Variants in TACC2 observed in about 807,000 individuals in gnomAD.
The protein encoded by TACC2 is transforming acidic coiled-coil containing protein 2, also known as transforming acidic coiled-coil-containing protein 2.
A neutral mutation model predicts 227.3 loss-of-function variants in TACC2; 137 were observed. The observed-to-expected ratio is 0.60, with a 90% confidence interval of 0.52 to 0.69. The LOEUF is 0.69. Ranked by LOEUF, TACC2 falls within the 30% of genes least tolerant of loss-of-function variation. TACC2 has a pLI of 0.00. For missense variants in TACC2, 3,470 were observed against 3,694.4 expected, an observed-to-expected ratio of 0.94 and a Z score of 1.57; for synonymous variants, 1,523 against 1,487.5, an observed-to-expected ratio of 1.02 and a Z score of -0.55.
At chr10:122,169,109 G>A (rs1453172481) in intron 7 of TACC2, among the ~76,000 whole-genome samples, 1 of 152,218 alleles carries the variant, frequency 6.6e-6, no homozygotes, top group Non-Finnish European at 1.5e-5. Context: ...GTTGGAAGCA[G>A]TAGCTCAGAT....
chr10:122,122,462 GTAAC>G (rs1470786665), intron 5 of TACC2, among the ~76,000 whole-genome samples: 2 of 151,152 alleles, frequency 1.3e-5, no homozygotes, highest in East Asian at 1.9e-4. Context: ...ACACATATAA[GTAAC>G]TAAGTATTTT....
At chr10:122,112,549 A>C (rs2083789284) in intron 5 of TACC2, among the ~76,000 whole-genome samples, 1 of 152,226 alleles carries the variant, frequency 6.6e-6, no homozygotes, top group Admixed American at 6.5e-5. Flanking sequence ...CTCCAGGAAC[A>C]AGCGAGGCAC....
At position 122,132,570 on chromosome 10, in the gene TACC2, T is replaced by C. The variant is rs773057160; in HGVS notation, c.5574-39T>C. 13 of 1,611,728 alleles carry C rather than the reference T, an allele frequency of 8.1e-6. No individual in the cohort carries two copies. The South Asian group carries it at 1.1e-4, about 14-fold the overall frequency. Reference sequence around the variant, plus strand: ...GTCTCAAAACAAAAACTTGTAGGAATGTTTCTGAGTTTAGGTTCTTTCCCT... The same window carrying C: ...GTCTCAAAACAAAAACTTGTAGGAACGTTTCTGAGTTTAGGTTCTTTCCCT... On this transcript the variant is annotated intron_variant, in intron 5 of 22. Transcript: ENST00000369005.
At chr10:122,001,713 G>A (rs1476820395) in intron 1 of TACC2, among the ~76,000 whole-genome samples, 5 of 152,098 alleles carry the variant, frequency 3.3e-5, no homozygotes, top group Non-Finnish European at 7.4e-5. Flanking sequence ...GGATCCAAAC[G>A]AGTTTCACAA....
chr10:122,244,632 A>G (rs974184116), intron 19 of TACC2, among the ~76,000 whole-genome samples: 1 of 152,070 alleles, frequency 6.6e-6, no homozygotes, highest in Non-Finnish European at 1.5e-5. Flanking sequence ...CAGGAGGCCC[A>G]CCTGGGTTCC....
chr10:122,232,747 C>A (rs2095783465), intron 16 of TACC2, among the ~76,000 whole-genome samples: 1 of 152,142 alleles, frequency 6.6e-6, no homozygotes, highest in South Asian at 2.1e-4. Flanking sequence ...TCAAGTTGGT[C>A]CCTGTGGGTT....
intron 2 of TACC2, chr10:122,033,150 A>G (rs1244843089): frequency 7.8e-7 from 1 of 1,289,244 alleles, no homozygotes; most frequent in Non-Finnish European, 1.0e-6. Flanking sequence ...CTGAGCCCAC[A>G]CAGGTACTGG....
At chr10:122,002,941 A>C (rs1445317681) in intron 1 of TACC2, among the ~76,000 whole-genome samples, 1 of 152,062 alleles carries the variant, frequency 6.6e-6, no homozygotes, top group East Asian at 1.9e-4. Context: ...GGTGGCTCAC[A>C]CCTGTAATCC....
chr10:122,153,538 C>T (rs2092258295), intron 7 of TACC2, among the ~76,000 whole-genome samples: 1 of 152,202 alleles, frequency 6.6e-6, no homozygotes, highest in Non-Finnish European at 1.5e-5. Flanking sequence ...TTTCGAGTCC[C>T]AGAGGTGTTG....
chr10:122,130,105 C>G (rs894135088), intron 5 of TACC2, among the ~76,000 whole-genome samples: 1 of 152,206 alleles, frequency 6.6e-6, no homozygotes, highest in African/African-American at 2.4e-5. Context: ...TCAAGTGATT[C>G]TTGTGCCTCA....
At chr10:122,201,029 G>A (rs1300939021) in intron 8 of TACC2, among the ~76,000 whole-genome samples, 2 of 139,042 alleles carry the variant, frequency 1.4e-5, no homozygotes, top group African/African-American at 6.2e-5. Flanking sequence ...GTGAGAGGAC[G>A]GCCACCTCAC....
chr10:122,097,722 T>C (rs1005039690), intron 5 of TACC2, among the ~76,000 whole-genome samples: 1 of 151,920 alleles, frequency 6.6e-6, no homozygotes, highest in African/African-American at 2.4e-5. Flanking sequence ...TCTTTGCAGG[T>C]AAATGGGGCT....
chr10:122,141,888 T>C lies in TACC2; in HGVS notation c.5700-1684T>C, dbSNP rs545064291. Among the ~76,000 whole-genome samples the C allele has an allele frequency of 2.6e-5, 4 of 152,314 alleles. No individual in the cohort carries two copies. Among genetic ancestry groups the C allele is most frequent in the Admixed American group, 1.3e-4 (2 of 15,296 alleles). The stretch of plus-strand genomic sequence containing the variant: ...GCGAAGTTAGACTAGTAGTTTGCGT[T>C]TGTAAGTGGTCCATTTGCCGATTAT... On this transcript the variant is annotated intron_variant, in intron 6 of 22. Transcript: ENST00000369005. This position sits in a 1 kb window ranked among gnomAD's most constrained non-coding sequence, Gnocchi z 4.3.
chr10:122,158,501 A>G (rs1217072326), intron 7 of TACC2, among the ~76,000 whole-genome samples: 1 of 152,208 alleles, frequency 6.6e-6, no homozygotes, highest in Non-Finnish European at 1.5e-5. Flanking sequence ...CCTGGGTCTA[A>G]TAGTAAAATT....
At chr10:122,231,491 A>C (rs1181186408) in intron 16 of TACC2, among the ~76,000 whole-genome samples, 3 of 152,124 alleles carry the variant, frequency 2.0e-5, no homozygotes, top group Non-Finnish European at 4.4e-5. Flanking sequence ...CATGCTTGAC[A>C]CATAGTAGGT....
At position 122,033,532 on chromosome 10, in the gene TACC2, C is replaced by G. The variant is rs574479460; in HGVS notation, c.33+11518C>G. 1.2e-3 allele frequency among the ~76,000 whole-genome samples: 187 copies of G among 152,254 alleles called. 2 individuals are homozygous for G. The highest frequency in any genetic ancestry group is 6.8e-3 in the Middle Eastern group (2 of 294). On this transcript the variant is annotated intron_variant, in intron 2 of 22. Coordinates refer to ENST00000369005, the MANE Select transcript of TACC2 (RefSeq NM_206862.4). ...TGAAGCTGGGAATGGGGTGGTGACCCTACCTTTGCCGCCTGTGAGCAAAAC... is the reference window on the plus strand; with the variant it reads ...TGAAGCTGGGAATGGGGTGGTGACCGTACCTTTGCCGCCTGTGAGCAAAAC...
intron 5 of TACC2, among the ~76,000 whole-genome samples, chr10:122,101,609 G>C (rs1214043417): frequency 7.0e-6 from 1 of 142,958 alleles, no homozygotes; most frequent in Admixed American, 7.3e-5. Context: ...GCCCAGGCTG[G>C]AGTGCAGTGG....
intron 7 of TACC2, chr10:122,164,079 T>G (rs1440151016): frequency 1.7e-5 from 25 of 1,475,914 alleles, no homozygotes; most frequent in Non-Finnish European, 1.9e-5. Context: ...TCCTAATGCC[T>G]GTGCAACCTG....
At chr10:122,027,953 C>G (rs193125025) in intron 2 of TACC2, among the ~76,000 whole-genome samples, 1 of 152,046 alleles carries the variant, frequency 6.6e-6, no homozygotes, top group East Asian at 1.9e-4. Flanking sequence ...CCGTGTTAGC[C>G]AGGTTGGTCT....
Sources: allele counts gnomAD v4.1 joint callset (sites outside exome capture counted in the v4.1 genomes callset), GRCh38; gene constraint gnomAD v4.1.1; non-coding constraint Gnocchi (gnomAD v3.1); transcripts MANE v1.5; gene names NCBI Gene and HGNC (gene_info 2026-07-23, HGNC 2026-07-21).